KCNC2: variants seen among roughly 807,000 people sequenced by gnomAD.
The protein encoded by KCNC2 is potassium voltage-gated channel subfamily C member 2.
KCNC2 carries 21 observed loss-of-function variants against 44.5 expected under a neutral mutation model. The observed-to-expected ratio is 0.47, with a 90% CI of 0.33 to 0.68. The LOEUF (loss-of-function observed/expected upper bound fraction) is 0.68. Among genes scored for constraint, KCNC2 ranks in the 30% least tolerant of loss-of-function variants. The probability of loss-of-function intolerance (pLI) is 0.01; values close to 1 mark genes in which losing one functional copy is unlikely to be tolerated. For missense variants in KCNC2, 589 were observed against 826.2 expected (o/e 0.71, Z 3.52); for synonymous variants, 391 against 339.1 (o/e 1.15, Z -1.68).
intron 2 of KCNC2, among the ~76,000 whole-genome samples, chr12:75,177,276 C>T (rs1028309762): frequency 4.0e-5 from 6 of 151,728 alleles, no homozygotes; most frequent in African/African-American, 1.5e-4. Flanking sequence ...AAAAGTAATG[C>T]TATTTTTATG....
chr12:75,150,668 A>T (rs1193378023), intron 2 of KCNC2, among the ~76,000 whole-genome samples: 1 of 151,952 alleles, frequency 6.6e-6, no homozygotes, highest in African/African-American at 2.4e-5. Context: ...ATCTGCCTAT[A>T]CTATGAAATA....
At chr12:75,082,664 AG>A (rs1258258335) in intron 2 of KCNC2, among the ~76,000 whole-genome samples, 2 of 151,844 alleles carry the variant, frequency 1.3e-5, no homozygotes, top group Non-Finnish European at 2.9e-5. Flanking sequence ...AGAATAATTT[AG>A]GTAAATAATG....
At chr12:75,102,669 C>A (rs1449768473) in intron 2 of KCNC2, among the ~76,000 whole-genome samples, 2 of 151,860 alleles carry the variant, frequency 1.3e-5, no homozygotes, top group Non-Finnish European at 2.9e-5. Flanking sequence ...TACGTAATTC[C>A]TAATCATTTA....
chr12:75,065,913 T>C (rs1245715207), intron 2 of KCNC2, among the ~76,000 whole-genome samples: 1 of 152,178 alleles, frequency 6.6e-6, no homozygotes, highest in Non-Finnish European at 1.5e-5. Context: ...CCGGCTTCCC[T>C]TGACTTTCTT....
intron 2 of KCNC2, among the ~76,000 whole-genome samples, chr12:75,055,270 T>C (rs1206074019): frequency 6.6e-6 from 1 of 152,036 alleles, no homozygotes; most frequent in Non-Finnish European, 1.5e-5. Context: ...GGAATTAAAA[T>C]GATATGAATA....
chr12:75,173,977 A>G (rs1156661524), intron 2 of KCNC2, among the ~76,000 whole-genome samples: 2 of 151,764 alleles, frequency 1.3e-5, no homozygotes, highest in South Asian at 4.2e-4. Flanking sequence ...TTCCAACACA[A>G]TCTATTTCAT....
intron 2 of KCNC2, among the ~76,000 whole-genome samples, chr12:75,188,755 G>T (rs1251684888): frequency 6.6e-6 from 1 of 151,844 alleles, no homozygotes; most frequent in South Asian, 2.1e-4. Flanking sequence ...AGCTACTCGG[G>T]AGGCTGAGGC....
chr12:75,070,227 A>T (rs1592800366), intron 2 of KCNC2, among the ~76,000 whole-genome samples: 2 of 152,132 alleles, frequency 1.3e-5, no homozygotes, highest in Non-Finnish European at 2.9e-5. Context: ...AGGCAGGCGG[A>T]TTGCTTGAGG....
Position 75,172,115 on chromosome 12 carries a change from C to T in KCNC2, c.687+35182G>A, listed in dbSNP as rs111346816. 2.4e-3 allele frequency among the ~76,000 whole-genome samples: 358 copies of T among 151,918 alleles called. 4 individuals are homozygous for T. The highest frequency in any genetic ancestry group is 8.4e-3 in the African/African-American group (350 of 41,496). On this transcript the variant is annotated intron_variant, in intron 2 of 4. Transcript: ENST00000549446. ...ATGAAGAGAATAAGCCTGTTTCAGGCTTCCATCTACATAGCTCATACATAA... is the reference window on the plus strand; with the variant it reads ...ATGAAGAGAATAAGCCTGTTTCAGGTTTCCATCTACATAGCTCATACATAA...
chr12:75,057,069 G>A (rs1193735829), intron 2 of KCNC2, among the ~76,000 whole-genome samples: 2 of 151,930 alleles, frequency 1.3e-5, no homozygotes, highest in Non-Finnish European at 2.9e-5. Context: ...CTTTAAGCAT[G>A]TATTCTAGGT....
At chr12:75,091,477 A>G (rs1885467312) in intron 2 of KCNC2, among the ~76,000 whole-genome samples, 2 of 151,692 alleles carry the variant, frequency 1.3e-5, no homozygotes, top group Admixed American at 1.3e-4. Context: ...TTCTGTTTTG[A>G]GAAGCAATAA....
intron 2 of KCNC2, among the ~76,000 whole-genome samples, chr12:75,066,090 A>G: frequency 6.6e-6 from 1 of 152,168 alleles, no homozygotes; most frequent in South Asian, 2.1e-4. Flanking sequence ...TAATTCAAGA[A>G]CACCTAAATT....
In KCNC2 at chr12:75,041,171, C is replaced by T. The variant is rs759934198; in HGVS notation, c.*1934G>A. ...TGGCTAAATTCCACTGTCCCTTTCT[C>T]AGCAGTCAATAATCCATGATAAATT... On this transcript the variant is annotated 3_prime_UTR_variant, in exon 5 of 5. Transcript: ENST00000549446. 4 of 1,596,480 alleles carry T rather than the reference C, an allele frequency of 2.5e-6. No homozygotes were observed. Among genetic ancestry groups the T allele is most frequent in the Non-Finnish European group, 3.4e-6 (4 of 1,178,616 alleles).
intron 2 of KCNC2, among the ~76,000 whole-genome samples, chr12:75,087,423 A>C (rs559957817): frequency 1.4e-4 from 21 of 152,238 alleles, no homozygotes; most frequent in Admixed American, 1.2e-3. Context: ...ATATCTGTTG[A>C]TGCTCTTAGC....
chr12:75,068,916 G>A (rs919099403), intron 2 of KCNC2, among the ~76,000 whole-genome samples: 8 of 152,044 alleles, frequency 5.3e-5, no homozygotes, highest in Admixed American at 1.3e-4. Flanking sequence ...CTTAAGGGGG[G>A]TTACGATAGA....
At chr12:75,163,260 C>G (rs1891236927) in intron 2 of KCNC2, among the ~76,000 whole-genome samples, 1 of 151,654 alleles carries the variant, frequency 6.6e-6, no homozygotes, top group Admixed American at 6.6e-5. Flanking sequence ...TAATCTCTGT[C>G]ATTTTTTGTG....
At chr12:75,167,652 C>A (rs1891546518) in intron 2 of KCNC2, among the ~76,000 whole-genome samples, 1 of 151,438 alleles carries the variant, frequency 6.6e-6, no homozygotes, top group Admixed American at 6.6e-5. Flanking sequence ...TTCCACCAAT[C>A]TGAGTTGTAA....
chr12:75,192,873 C>T (rs1220241366), intron 2 of KCNC2, among the ~76,000 whole-genome samples: 1 of 152,008 alleles, frequency 6.6e-6, no homozygotes, highest in Admixed American at 6.6e-5. Context: ...AATAATAATG[C>T]ATTATATATT....
chr12:75,208,385 AAC>A (rs1290445183), intron 1 of KCNC2, among the ~76,000 whole-genome samples: 2 of 133,350 alleles, frequency 1.5e-5, no homozygotes, highest in Non-Finnish European at 3.2e-5. Flanking sequence ...TGCCTCCCCA[AAC>A]ACACTCTCTC....
Sources: allele counts gnomAD v4.1 joint callset (sites outside exome capture counted in the v4.1 genomes callset), GRCh38; gene constraint gnomAD v4.1.1; transcripts MANE v1.5; gene names NCBI Gene and HGNC (gene_info 2026-07-23, HGNC 2026-07-21).